Variants in ULK4 observed in about 807,000 individuals in gnomAD.
ULK4 encodes the protein inactive serine/threonine-protein kinase ULK4.
Under a neutral mutation model 160.6 loss-of-function variants are expected in ULK4, and 133 were observed. The observed-to-expected ratio is 0.83, with a 90% CI of 0.72 to 0.96. ULK4 has a LOEUF of 0.96. ULK4 is among the 40% of genes least tolerant of loss of function. The probability of loss-of-function intolerance (pLI) is 0.00; values close to 1 mark genes in which losing one functional copy is unlikely to be tolerated. For synonymous variants in ULK4, 534 were observed against 539.8 expected, an observed-to-expected ratio of 0.99 and a Z score of 0.15; for missense variants, 1,580 against 1,499.5, an observed-to-expected ratio of 1.05 and a Z score of -0.89.
At chr3:41,927,105 T>C (rs566886850) in intron 5 of ULK4, among the ~76,000 whole-genome samples, 6 of 152,274 alleles carry the variant, frequency 3.9e-5, no homozygotes, top group South Asian at 2.1e-4. Context: ...GAGAGAAAGG[T>C]TGGGTTACCC....
chr3:41,769,502 T>C (rs1292508664), intron 21 of ULK4, among the ~76,000 whole-genome samples: 1 of 152,190 alleles, frequency 6.6e-6, no homozygotes, highest in African/African-American at 2.4e-5. Context: ...CAGCTCGACA[T>C]ACCCAAATAT....
chr3:41,579,655 G>A (rs960419197), intron 31 of ULK4, among the ~76,000 whole-genome samples: 2 of 151,686 alleles, frequency 1.3e-5, no homozygotes, highest in African/African-American at 2.4e-5. Flanking sequence ...CTCCATGCCC[G>A]GCTAATTTTT....
At chr3:41,420,544 G>A (rs1443604774) in intron 34 of ULK4, among the ~76,000 whole-genome samples, 3 of 128,090 alleles carry the variant, frequency 2.3e-5, no homozygotes, top group Non-Finnish European at 4.7e-5. Flanking sequence ...GTGCAGTGGT[G>A]CAATCTCGGC....
At chr3:41,377,974 T>G (rs201764200) in intron 35 of ULK4, among the ~76,000 whole-genome samples, 2 of 151,102 alleles carry the variant, frequency 1.3e-5, no homozygotes, top group Non-Finnish European at 2.9e-5. Flanking sequence ...GGAACCAACC[T>G]AAATGTCCAA....
intron 31 of ULK4, among the ~76,000 whole-genome samples, chr3:41,571,637 G>A (rs1040592635): frequency 7.2e-5 from 11 of 152,136 alleles, no homozygotes; most frequent in Admixed American, 1.3e-4. Flanking sequence ...CGCATGTTTC[G>A]TTCAAAGACC....
intron 34 of ULK4, among the ~76,000 whole-genome samples, chr3:41,454,457 T>G (rs1188490044): frequency 3.3e-5 from 5 of 149,906 alleles, no homozygotes. Context: ...GGAGAATTGC[T>G]TGAACCTGGT....
intron 32 of ULK4, among the ~76,000 whole-genome samples, chr3:41,539,347 T>C (rs2086621030): frequency 6.6e-6 from 1 of 152,166 alleles, no homozygotes; most frequent in Admixed American, 6.6e-5. Context: ...GACAGCAGGC[T>C]ACATTTACTG....
intron 34 of ULK4, among the ~76,000 whole-genome samples, chr3:41,408,305 G>A (rs2082336688): frequency 6.6e-6 from 1 of 151,322 alleles, no homozygotes; most frequent in African/African-American, 2.4e-5. Context: ...GCGGGCGCCT[G>A]TAGTCCCAGC....
At chr3:41,408,080 A>C (rs982095222) in intron 34 of ULK4, among the ~76,000 whole-genome samples, 1 of 152,088 alleles carries the variant, frequency 6.6e-6, no homozygotes, top group African/African-American at 2.4e-5. Context: ...AAATAATTTC[A>C]TTTATAATAG....
rs148467359 is a variant in ULK4, at chr3:41,570,790, A to G, written c.3121-4660T>C. ...AAGCTAACTCACCCTGGACGCTAAG[A>G]ACACAGAATCAGATCCCAGCCAATC... On this transcript the variant is annotated intron_variant, in intron 31 of 36. Coordinates refer to ENST00000301831, the MANE Select transcript of ULK4 (RefSeq NM_017886.4). Among the ~76,000 whole-genome samples, 403 of 152,280 alleles carry G rather than the reference A, an allele frequency of 2.6e-3. 1 individual carries two copies. The highest frequency in any genetic ancestry group is 7.1e-3 in the Admixed American group (109 of 15,300).
At position 41,819,440 on chromosome 3, in the gene ULK4, T is replaced by C. The variant is rs749752326; in HGVS notation, c.1831A>G (p.Arg611Gly). 37 of 1,613,112 alleles carry C rather than the reference T, an allele frequency of 2.3e-5. No individual in the cohort carries two copies. The highest frequency in any genetic ancestry group is 3.1e-5 in the Non-Finnish European group (37 of 1,179,706). ...AGCCTTACCCCTTCCCGAAGGCACCTCATTAGCACTGTGTATGCAGCCAAG... is the reference window on the plus strand; with the variant it reads ...AGCCTTACCCCTTCCCGAAGGCACCCCATTAGCACTGTGTATGCAGCCAAG... ...VPLAAYTVLM[R>G]CLREGEERVV... Residue 611 changes from arginine (R) to glycine (G), a missense_variant, in exon 19 of 37, where the codon AGG becomes GGG. Transcript: ENST00000301831.
At chr3:41,429,754 G>T (rs959447542) in intron 34 of ULK4, among the ~76,000 whole-genome samples, 2 of 151,956 alleles carry the variant, frequency 1.3e-5, no homozygotes, top group African/African-American at 2.4e-5. Flanking sequence ...GGTGCAGCAT[G>T]GGGGGAGGGA....
At chr3:41,602,788 C>A (rs2032180993) in intron 31 of ULK4, among the ~76,000 whole-genome samples, 1 of 151,992 alleles carries the variant, frequency 6.6e-6, no homozygotes, top group Non-Finnish European at 1.5e-5. Flanking sequence ...TAGACTGTAA[C>A]TTACATATTT....
At chr3:41,446,958 C>T (rs1199369912) in intron 34 of ULK4, among the ~76,000 whole-genome samples, 1 of 151,112 alleles carries the variant, frequency 6.6e-6, no homozygotes, top group African/African-American at 2.4e-5. Flanking sequence ...GTGGCGTGTG[C>T]CTGTAATCCT....
Position 41,789,732 on chromosome 3 carries a change from G to A in ULK4, c.2122C>T (p.Gln708Ter). Residue 708 changes from glutamine to a stop codon, truncating the protein, a stop_gained, in exon 21 of 37, where the codon CAG (glutamine) becomes TAG (stop). Coordinates refer to ENST00000301831, the MANE Select transcript of ULK4 (RefSeq NM_017886.4). LOFTEE classifies it high-confidence loss of function. ...SLASAICKVQQYMLTLFAAML... is the reference protein window; with the variant it reads ...SLASAICKVQ ...GCAGCGAATAAGGTCAACATGTACT[G>A]CTGAACTTTGCAGATGGCAGAGGCC... 6.2e-7 allele frequency: 1 copy of A among 1,613,742 alleles called. No homozygotes were observed. Among genetic ancestry groups the A allele is most frequent in the East Asian group, 2.2e-5 (1 of 44,820 alleles).
At chr3:41,960,204 TA>T (rs1700621115) in intron 1 of ULK4, among the ~76,000 whole-genome samples, 1 of 152,186 alleles carries the variant, frequency 6.6e-6, no homozygotes, top group African/African-American at 2.4e-5. Context: ...CCTTAATCTT[TA>T]GTCACATCTG....
chr3:41,846,806 CA>C (rs35308076), intron 17 of ULK4, among the ~76,000 whole-genome samples: 672 of 98,958 alleles, frequency 6.8e-3, no homozygotes, highest in Middle Eastern at 0.011. Context: ...CTCTCTCTCT[CA>C]AAAAAAAAAA....
chr3:41,678,528 G>A (rs915416575), intron 29 of ULK4, among the ~76,000 whole-genome samples: 6 of 152,144 alleles, frequency 3.9e-5, no homozygotes, highest in African/African-American at 9.7e-5. Context: ...AAGAGATGGC[G>A]AGAAAGACAC....
At chr3:41,773,776 C>G (rs969202421) in intron 21 of ULK4, among the ~76,000 whole-genome samples, 25 of 152,230 alleles carry the variant, frequency 1.6e-4, no homozygotes, top group African/African-American at 5.3e-4. Context: ...CAATCCTAAG[C>G]CAAAAGAACA....
Sources: gnomAD v4.1 joint callset for allele counts (sites outside exome capture counted in the v4.1 genomes callset) on GRCh38, gnomAD v4.1.1 for gene constraint, MANE v1.5 for transcripts, NCBI Gene and HGNC (gene_info 2026-07-23, HGNC 2026-07-21) for gene names.